The following ZNF286A variants were observed in gnomAD, a reference collection of about 807,000 sequenced individuals.
ZNF286A encodes the protein zinc finger protein ZNF286.
A neutral mutation model predicts 49.3 loss-of-function variants in ZNF286A; 34 were observed. That is an observed-to-expected ratio of 0.69 (90% confidence interval 0.52 to 0.92). ZNF286A has a LOEUF of 0.92. Ranked by LOEUF, ZNF286A falls within the 40% of genes least tolerant of loss-of-function variation. The pLI is 0.00. For synonymous variants in ZNF286A, 155 were observed against 200.4 expected (o/e 0.77, Z 1.91); for missense variants, 462 against 600.2 (o/e 0.77, Z 2.41).
At chr17:15,702,899 C>T (rs998473578) in intron 3 of ZNF286A, among the ~76,000 whole-genome samples, 3 of 152,230 alleles carry the variant, frequency 2.0e-5, no homozygotes, top group Non-Finnish European at 4.4e-5. Flanking sequence ...CTGACCTTTT[C>T]TCTCCATGGG....
At chr17:15,713,598 A>G (rs557175790) in intron 5 of ZNF286A, among the ~76,000 whole-genome samples, 71 of 151,966 alleles carry the variant, frequency 4.7e-4, no homozygotes, top group Non-Finnish European at 7.7e-4. Context: ...ACAATGTAGA[A>G]TCTGAAACCA....
chr17:15,710,835 G>T lies in ZNF286A; in HGVS notation c.334+2588G>T, dbSNP rs1483807640. Among the ~76,000 whole-genome samples the T allele has an allele frequency of 1.4e-4, 21 of 151,544 alleles. 1 individual carries two copies. The highest frequency in any genetic ancestry group is 5.9e-5 in the Non-Finnish European group (4 of 67,896). ...CTGTTAAGAGGTCCTTATATATGAG[G>T]TTTTTACCTTTTCTTATGTTACAGA... On this transcript the variant is annotated intron_variant, in intron 5 of 5. Transcript: ENST00000583566.
chr17:15,710,707 A>G (rs1391250507), intron 5 of ZNF286A, among the ~76,000 whole-genome samples: 2 of 152,172 alleles, frequency 1.3e-5, no homozygotes, highest in East Asian at 3.9e-4. Context: ...TCTTTCCGTG[A>G]TTATGGATAT....
chr17:15,708,028 AAAAAG>A (rs1990366919), intron 4 of ZNF286A, 122 bp from the exon 5 acceptor site: 7 of 521,822 alleles, frequency 1.3e-5, no homozygotes, highest in South Asian at 8.8e-5. Context: ...TAAATTAAAA[AAAAAG>A]AAAGAAAGTT....
intron 5 of ZNF286A, among the ~76,000 whole-genome samples, chr17:15,711,873 C>CTTTTT (rs769063767): frequency 5.0e-5 from 4 of 79,908 alleles, no homozygotes; most frequent in African/African-American, 1.5e-4. Context: ...CCCCCCCCGG[C>CTTTTT]TTTTTTTTTT....
At chr17:15,705,117 T>G (rs1990130819) in intron 3 of ZNF286A, among the ~76,000 whole-genome samples, 1 of 152,170 alleles carries the variant, frequency 6.6e-6, no homozygotes, top group Non-Finnish European at 1.5e-5. Flanking sequence ...TCTTAAATCT[T>G]AGATTATTTT....
chr17:15,705,829 A>G (rs920684036), intron 3 of ZNF286A, among the ~76,000 whole-genome samples: 2 of 152,314 alleles, frequency 1.3e-5, no homozygotes, highest in South Asian at 4.1e-4. Context: ...CTAAATATTT[A>G]TGAATTGTAT....
intron 5 of ZNF286A, among the ~76,000 whole-genome samples, chr17:15,710,166 G>A (rs1990545958): frequency 6.6e-6 from 1 of 152,076 alleles, no homozygotes; most frequent in Admixed American, 6.6e-5. Flanking sequence ...TATATTTTAG[G>A]TACTAATCTA....
At chr17:15,712,576 A>G (rs1190776997) in intron 5 of ZNF286A, among the ~76,000 whole-genome samples, 1 of 152,250 alleles carries the variant, frequency 6.6e-6, no homozygotes, top group Non-Finnish European at 1.5e-5. Context: ...ATCTACGCAC[A>G]GTCTTTACAT....
chr17:15,712,285 G>A (rs1478644621), intron 5 of ZNF286A, among the ~76,000 whole-genome samples: 1 of 152,180 alleles, frequency 6.6e-6, no homozygotes, highest in East Asian at 1.9e-4. Context: ...ACTGTTTGCA[G>A]CCTCTACTTA....
chr17:15,717,070 G>A lies in ZNF286A; in HGVS notation c.1346G>A (p.Arg449Gln), dbSNP rs745439909. ...AATGAATGTGGGAAAACCTTCAGCCGGAGCTCCAATTTTGCTAAACATCAA... is the reference window on the plus strand; with the variant it reads ...AATGAATGTGGGAAAACCTTCAGCCAGAGCTCCAATTTTGCTAAACATCAA... ...ECNECGKTFS[R>Q]SSNFAKHQRI... The change falls in exon 6 of 6, where the codon CGG (arginine) becomes CAG (glutamine). Residue 449 changes from arginine to glutamine, a missense_variant. Around this residue, in one of 3 missense-constraint regions of ZNF286A, gnomAD observed 201 missense variants for 311.3 expected, o/e 0.65. Coordinates refer to ENST00000583566, the MANE Select transcript of ZNF286A (RefSeq NM_001130842.2). The A allele has an allele frequency of 8.1e-5, 131 of 1,614,016 alleles. No homozygotes were observed. Among genetic ancestry groups the A allele is most frequent in the African/African-American group, 1.3e-4 (10 of 75,046 alleles).
chr17:15,701,089 A>G, intron 2 of ZNF286A, 63 bp from the exon 3 acceptor site: 1 of 1,471,490 alleles, frequency 6.8e-7, no homozygotes, highest in African/African-American at 1.4e-5. Context: ...AGTGGTTTTT[A>G]GACTTTAAAT....
chr17:15,704,697 C>T, intron 3 of ZNF286A: 9 of 1,613,840 alleles, frequency 5.6e-6, no homozygotes, highest in Non-Finnish European at 7.6e-6. Flanking sequence ...CAGGGAAGTC[C>T]TTCCCCAGCA....
rs1990510661 is a variant in ZNF286A at position 15,709,748 on chromosome 17, T to G, written c.334+1501T>G. 4.2e-6 allele frequency: 6 copies of G among 1,445,328 alleles called. No homozygotes were observed. In the Admixed American group the frequency reaches 1.4e-4, roughly 35 times the overall value. 89.5% of individuals were successfully genotyped at this position (1,445,328 alleles called of 1,614,324 possible). ...TAATATATATGAATTATGTTATTCA[T>G]TTTAACTACTGTGGAGTCATAAGTC... On this transcript the variant is annotated intron_variant, in intron 5 of 5. Transcript: ENST00000583566.
chr17:15,710,536 T>C (rs1990572755), intron 5 of ZNF286A, among the ~76,000 whole-genome samples: 1 of 152,224 alleles, frequency 6.6e-6, no homozygotes, highest in Admixed American at 6.5e-5. Context: ...GCATACTTAG[T>C]TCTATTTCTT....
intron 3 of ZNF286A, among the ~76,000 whole-genome samples, chr17:15,703,023 C>G (rs2151451999): frequency 6.6e-6 from 1 of 152,226 alleles, no homozygotes; most frequent in South Asian, 2.1e-4. Context: ...GTCATTCTTG[C>G]AGAAGTGCTG....
chr17:15,711,863 C>A (rs1220611589), intron 5 of ZNF286A, among the ~76,000 whole-genome samples: 1 of 100,222 alleles, frequency 1.0e-5, no homozygotes, highest in Non-Finnish European at 2.1e-5. Flanking sequence ...GTAATCTGCC[C>A]CCCCCCCGGC....
rs1399927081 is a variant in ZNF286A at position 15,716,475 on chromosome 17, C to T, written c.751C>T (p.Leu251Phe). Reference sequence around the variant, plus strand: ...TCATAAATGTAATGATTGTGGTGAACTCTTCACCTACCATTCAGTGCTTAT... The same window carrying T: ...TCATAAATGTAATGATTGTGGTGAATTCTTCACCTACCATTCAGTGCTTAT... The part of the protein sequence containing the change: ...KPHKCNDCGE[L>F]FTYHSVLIRH... Residue 251 changes from leucine to phenylalanine, a missense_variant, in exon 6 of 6, where the codon CTC becomes TTC. Physicochemically the swap from Leu to Phe is conservative, Grantham distance 22. Coordinates refer to ENST00000583566, the MANE Select transcript of ZNF286A (RefSeq NM_001130842.2). 6.2e-7 allele frequency: 1 copy of T among 1,613,898 alleles called. No homozygotes were observed. The highest frequency in any genetic ancestry group is 1.3e-5 in the African/African-American group (1 of 74,910).
chr17:15,717,462 TA>T lies in ZNF286A; in HGVS notation c.*174del. 1 of 1,146,634 alleles carries T rather than the reference TA, an allele frequency of 8.7e-7. No homozygotes were observed. Among genetic ancestry groups the T allele is most frequent in the Non-Finnish European group, 1.2e-6 (1 of 847,448 alleles). The allele number at this position is 1,146,634 out of a possible 1,614,324, so 71.0% of individuals were successfully genotyped here. A position where few individuals can be genotyped will look rare whatever the true frequency, so the allele number is the denominator to read the frequency against. ...CCATAAGCAGGTTCTTTATGTCCGT[TA>T]ATTTGATAATTATGAAATCTAGCCA... On this transcript the variant is annotated 3_prime_UTR_variant, in exon 6 of 6. Coordinates refer to ENST00000583566, the MANE Select transcript of ZNF286A (RefSeq NM_001130842.2).
Sources: gnomAD v4.1 joint callset for allele counts (sites outside exome capture counted in the v4.1 genomes callset) on GRCh38, gnomAD v4.1.1 for gene constraint, gnomAD v4.1.1 regional missense constraint, MANE v1.5 for transcripts, NCBI Gene and HGNC (gene_info 2026-07-23, HGNC 2026-07-21) for gene names.